PSD3: variants seen among roughly 807,000 people sequenced by gnomAD.
The protein encoded by PSD3 is PH and SEC7 domain-containing protein 3.
A neutral mutation model predicts 105.5 loss-of-function variants in PSD3; 49 were observed. That is an observed-to-expected ratio of 0.46 (90% CI 0.37 to 0.59). The LOEUF (loss-of-function observed/expected upper bound fraction) is 0.59. PSD3 is among the 20% of genes least tolerant of loss of function. The pLI, the probability that PSD3 is intolerant of heterozygous loss-of-function variation, is 0.00. For synonymous variants in PSD3, 557 were observed against 457.8 expected, an observed-to-expected ratio of 1.22 and a Z score of -2.77; for missense variants, 1,561 against 1,263.8, an observed-to-expected ratio of 1.24 and a Z score of -3.57.
intron 10 of PSD3, among the ~76,000 whole-genome samples, chr8:18,634,658 G>A (rs2130776890): frequency 6.6e-6 from 1 of 152,074 alleles, no homozygotes; most frequent in East Asian, 1.9e-4. Flanking sequence ...GAACAGTATT[G>A]GTCAGTTATC....
intron 1 of PSD3, among the ~76,000 whole-genome samples, chr8:19,051,880 G>C (rs1318795882): frequency 6.6e-6 from 1 of 152,198 alleles, no homozygotes; most frequent in African/African-American, 2.4e-5. Flanking sequence ...TAGCTCAGGC[G>C]TGAAGAAATT....
At chr8:18,692,068 G>C (rs529467592) in intron 9 of PSD3, among the ~76,000 whole-genome samples, 1 of 152,046 alleles carries the variant, frequency 6.6e-6, no homozygotes, top group East Asian at 1.9e-4. Flanking sequence ...GCCATATTTA[G>C]TTTCATCAAA....
In PSD3 at chr8:18,804,609, G is replaced by A; in HGVS notation, c.1830-7C>T. The A allele has an allele frequency of 3.1e-6, 5 of 1,612,372 alleles. No homozygotes were observed. The highest frequency in any genetic ancestry group is 4.2e-6 in the Non-Finnish European group (5 of 1,178,722). ...TAGTTTGCTAAATTCGTTGCTATAA[G>A]AAAACAGAATAGACTTGGTTATTGA... On this transcript the variant is annotated splice_region_variant and splice_polypyrimidine_tract_variant and intron_variant, in intron 5 of 15. Coordinates refer to ENST00000327040, the MANE Select transcript of PSD3 (RefSeq NM_015310.4).
At chr8:18,987,268 ATTTTC>A (rs1163218619) in intron 1 of PSD3, among the ~76,000 whole-genome samples, 2 of 115,990 alleles carry the variant, frequency 1.7e-5, no homozygotes, top group East Asian at 3.2e-4. Flanking sequence ...AGAGAAATTT[ATTTTC>A]TTTTTTATTT....
intron 14 of PSD3, among the ~76,000 whole-genome samples, chr8:18,567,360 T>C (rs1021110571): frequency 3.3e-5 from 5 of 152,176 alleles, no homozygotes; most frequent in Admixed American, 6.5e-5. Flanking sequence ...CTTTATGTGG[T>C]ATGCTGCTTA....
At chr8:18,765,616 C>A (rs1484500244) in intron 8 of PSD3, 78 bp from the exon 9 acceptor site, 2 of 1,233,608 alleles carry the variant, frequency 1.6e-6, no homozygotes, top group African/African-American at 3.0e-5. Context: ...ATGAGGCAGA[C>A]CAATAATTTG....
chr8:18,839,223 C>A (rs1814407873), intron 4 of PSD3, among the ~76,000 whole-genome samples: 1 of 152,070 alleles, frequency 6.6e-6, no homozygotes, highest in Admixed American at 6.5e-5. Context: ...GTGAGTTCAT[C>A]AGTTTCTGGC....
intron 9 of PSD3, among the ~76,000 whole-genome samples, chr8:18,702,759 C>T (rs1469940492): frequency 6.6e-6 from 1 of 151,850 alleles, no homozygotes; most frequent in Admixed American, 6.6e-5. Context: ...ACTACCGGTG[C>T]CCGCCATCAC....
intron 1 of PSD3, among the ~76,000 whole-genome samples, chr8:18,939,036 T>C (rs1282361401): frequency 6.6e-6 from 1 of 152,040 alleles, no homozygotes; most frequent in Non-Finnish European, 1.5e-5. Flanking sequence ...GAAAGAACAT[T>C]TTTAAAAAGG....
At chr8:18,805,263 T>C (rs554049604) in intron 4 of PSD3, among the ~76,000 whole-genome samples, 3 of 152,268 alleles carry the variant, frequency 2.0e-5, no homozygotes, top group Admixed American at 6.5e-5. Flanking sequence ...ACATAACAAA[T>C]ACTATAAAGA....
At position 18,528,131 on chromosome 8, in the gene PSD3, C is replaced by T. The variant is rs1048691850; in HGVS notation, c.*7612G>A. 2 of 152,150 alleles carry T rather than the reference C, an allele frequency of 1.3e-5. No homozygotes were observed. The highest frequency in any genetic ancestry group is 1.5e-5 in the Non-Finnish European group (1 of 68,026). The allele number at this position is 152,150 out of a possible 1,614,324, so 9.4% of individuals were successfully genotyped here. ...ATCAAGGCTGACAATATAAATTCTC[C>T]GCTAGTGTACATTTAGAAATGGGTT... On this transcript the variant is annotated 3_prime_UTR_variant, in exon 16 of 16. Transcript: ENST00000327040.
chr8:18,775,051 T>C, intron 8 of PSD3: 4 of 427,464 alleles, frequency 9.4e-6, no homozygotes, highest in South Asian at 6.6e-5. Flanking sequence ...ACCAATCTAC[T>C]CTCTACCTTC....
At chr8:18,619,516 G>A (rs1805952138) in intron 11 of PSD3, among the ~76,000 whole-genome samples, 1 of 152,030 alleles carries the variant, frequency 6.6e-6, no homozygotes, top group Non-Finnish European at 1.5e-5. Flanking sequence ...GGTGGTGCGT[G>A]CCTGTAATCC....
At chr8:18,668,335 C>T (rs1252915562) in intron 9 of PSD3, among the ~76,000 whole-genome samples, 27 of 152,234 alleles carry the variant, frequency 1.8e-4, no homozygotes, top group Admixed American at 1.8e-3. Flanking sequence ...AGACAAACTT[C>T]TGAATATTTC....
intron 11 of PSD3, among the ~76,000 whole-genome samples, chr8:18,629,427 A>G (rs1275915406): frequency 6.6e-6 from 1 of 152,058 alleles, no homozygotes; most frequent in Non-Finnish European, 1.5e-5. Context: ...GGCTTTATTT[A>G]TAACAGTTCA....
At chr8:19,062,330 G>C (rs1187614693) in intron 1 of PSD3, among the ~76,000 whole-genome samples, 1 of 152,200 alleles carries the variant, frequency 6.6e-6, no homozygotes, top group Non-Finnish European at 1.5e-5. Flanking sequence ...AGTTGGGATA[G>C]AAAGATGAAT....
intron 11 of PSD3, among the ~76,000 whole-genome samples, chr8:18,600,936 G>C (rs2634458): frequency 0.089 from 13,543 of 152,136 alleles, 1,156 homozygotes; most frequent in East Asian, 0.22. Flanking sequence ...CTCAACCAGA[G>C]TGCAAGTTTA....
chr8:18,936,173 T>G (rs1363909371), intron 1 of PSD3, 31 bp from the exon 2 acceptor site: 1 of 1,433,364 alleles, frequency 7.0e-7, no homozygotes, highest in Non-Finnish European at 9.8e-7. Context: ...AAAGACACAT[T>G]TAAAATACAT....
chr8:19,034,858 G>C (rs1168838223), intron 1 of PSD3, among the ~76,000 whole-genome samples: 1 of 152,088 alleles, frequency 6.6e-6, no homozygotes, highest in Non-Finnish European at 1.5e-5. Context: ...GATACGTGAA[G>C]ATAGTGACTG....
Sources: allele counts gnomAD v4.1 joint callset (sites outside exome capture counted in the v4.1 genomes callset), GRCh38; gene constraint gnomAD v4.1.1; transcripts MANE v1.5; gene names NCBI Gene and HGNC (gene_info 2026-07-23, HGNC 2026-07-21).